Variants in ANK3 observed in about 807,000 individuals in gnomAD.
The protein encoded by ANK3 is ankyrin-3.
A neutral mutation model predicts 370.9 loss-of-function variants in ANK3; 57 were observed. The ratio of observed to expected loss-of-function variants is 0.15; its 90% CI spans 0.12 to 0.19. ANK3 has a LOEUF of 0.19. Ranked by LOEUF, ANK3 falls within the 10% of genes least tolerant of loss-of-function variation. The probability of loss-of-function intolerance (pLI) is 1.00; values close to 1 mark genes in which losing one functional copy is unlikely to be tolerated. For synonymous variants in ANK3, 1,929 were observed against 1,946.3 expected, an observed-to-expected ratio of 0.99 and a Z score of 0.23; for missense variants, 4,439 against 5,302.1, an observed-to-expected ratio of 0.84 and a Z score of 5.06.
chr10:60,287,447 G>T (rs898922853), intron 1 of ANK3, among the ~76,000 whole-genome samples: 1 of 152,104 alleles, frequency 6.6e-6, no homozygotes, highest in African/African-American at 2.4e-5. Flanking sequence ...TGGAAGCACT[G>T]AACAGTGTAT....
intron 1 of ANK3, among the ~76,000 whole-genome samples, chr10:60,352,918 G>T (rs1167436834): frequency 6.6e-6 from 1 of 151,986 alleles, no homozygotes; most frequent in Non-Finnish European, 1.5e-5. Flanking sequence ...GAAAAAAGAG[G>T]CAAAAAGGGA....
rs72824134 is a variant in ANK3 at position 60,359,277 on chromosome 10, C to T, written c.114+30148G>A. Among the ~76,000 whole-genome samples, 1,114 of 152,212 alleles carry T rather than the reference C, an allele frequency of 7.3e-3. 6 individuals are homozygous for T. The highest frequency in any genetic ancestry group is 0.02 in the Middle Eastern group (6 of 294). ...TAAGCACCTGCTGCCCTCACTCTCCCAATTTGATTGAGACCCTGTGATGTC... is the reference window on the plus strand; with the variant it reads ...TAAGCACCTGCTGCCCTCACTCTCCTAATTTGATTGAGACCCTGTGATGTC... On this transcript the variant is annotated intron_variant, in intron 1 of 43. Coordinates refer to ENST00000280772, the MANE Select transcript of ANK3 (RefSeq NM_020987.5).
At chr10:60,246,073 T>G (rs910628363) in intron 7 of ANK3, among the ~76,000 whole-genome samples, 1 of 151,834 alleles carries the variant, frequency 6.6e-6, no homozygotes, top group Admixed American at 6.6e-5. Context: ...CTAGCCAACA[T>G]GGAGAAACCC....
In ANK3 at chr10:60,345,168, T is replaced by C. The variant is rs145859014; in HGVS notation, c.114+44257A>G. ...CATTAAACTAGATTCATGGTGCTAT[T>C]TGTTTTATTACTGTAGAAACAAAAA... On this transcript the variant is annotated intron_variant, in intron 1 of 43. Transcript: ENST00000280772. Among the ~76,000 whole-genome samples the C allele has an allele frequency of 2.4e-3, 363 of 152,304 alleles. 2 individuals carry two copies. Among genetic ancestry groups the C allele is most frequent in the Middle Eastern group, 0.024 (7 of 294 alleles).
At chr10:60,729,194 C>G (rs903611116) in intron 1 of ANK3, among the ~76,000 whole-genome samples, 1 of 152,124 alleles carries the variant, frequency 6.6e-6, no homozygotes, top group African/African-American at 2.4e-5. Context: ...TAATGTGTAT[C>G]AAGCCCTATG....
chr10:60,615,316 A>C (rs2078253507), intron 1 of ANK3: 3 of 801,222 alleles, frequency 3.7e-6, no homozygotes, highest in Non-Finnish European at 5.6e-6. Flanking sequence ...TTATTAATTG[A>C]CTTATAAACA....
chr10:60,256,522 T>A (rs941360296), intron 7 of ANK3, among the ~76,000 whole-genome samples: 1 of 152,228 alleles, frequency 6.6e-6, no homozygotes, highest in African/African-American at 2.4e-5. Context: ...GAGGTATATG[T>A]GCAGGTTTGT....
intron 2 of ANK3, among the ~76,000 whole-genome samples, chr10:60,480,827 T>G (rs1009551402): frequency 6.6e-6 from 1 of 152,226 alleles, no homozygotes; most frequent in Non-Finnish European, 1.5e-5. Context: ...CTGATAGTAA[T>G]GCCCTTTTTA....
At chr10:60,195,679 C>A (rs2096575730) in intron 16 of ANK3, among the ~76,000 whole-genome samples, 1 of 152,112 alleles carries the variant, frequency 6.6e-6, no homozygotes, top group Non-Finnish European at 1.5e-5. Context: ...AAGTTGTCTA[C>A]TGATCAAAAA....
intron 1 of ANK3, among the ~76,000 whole-genome samples, chr10:60,681,733 C>A (rs534304349): frequency 6.6e-6 from 1 of 152,184 alleles, no homozygotes; most frequent in Non-Finnish European, 1.5e-5. Flanking sequence ...CAGTGCAGGG[C>A]AGACTGGCTC....
In ANK3 at chr10:60,261,922, A is replaced by G. The variant is rs771207084; in HGVS notation, c.735T>C (p.Tyr245=). 4.3e-6 allele frequency: 7 copies of G among 1,614,116 alleles called. 1 individual carries two copies. In the South Asian group the frequency reaches 7.7e-5, roughly 18 times the overall value. ...GFTPLHIAAH[Y]GNINVATLLL... ...GCAACGTGGCTACATTGATATTTCCATAGTGAGCAGCTATGTGGAGCGGAG... is the reference window on the plus strand; with the variant it reads ...GCAACGTGGCTACATTGATATTTCCGTAGTGAGCAGCTATGTGGAGCGGAG... Residue 245 remains tyrosine (Y), a synonymous_variant, in exon 7 of 44, where the codon TAT becomes TAC. Coordinates refer to ENST00000280772, the MANE Select transcript of ANK3 (RefSeq NM_020987.5).
intron 1 of ANK3, among the ~76,000 whole-genome samples, chr10:60,332,048 C>T (rs1050908764): frequency 6.6e-6 from 1 of 151,870 alleles, no homozygotes; most frequent in Non-Finnish European, 1.5e-5. Context: ...ATATGGCTAA[C>T]TCAATTTCTT....
At chr10:60,489,382 C>T (rs934801463) in intron 2 of ANK3, among the ~76,000 whole-genome samples, 4 of 152,104 alleles carry the variant, frequency 2.6e-5, no homozygotes, top group Non-Finnish European at 5.9e-5. Flanking sequence ...TTATGTATTA[C>T]ATTATATTTT....
intron 1 of ANK3, among the ~76,000 whole-genome samples, chr10:60,301,686 G>C (rs1181153177): frequency 6.6e-6 from 1 of 151,868 alleles, no homozygotes; most frequent in Non-Finnish European, 1.5e-5. Flanking sequence ...CAAAGTGCTG[G>C]GATTACAGGC....
At chr10:60,421,159 AG>A (rs1454381568) in intron 2 of ANK3, among the ~76,000 whole-genome samples, 1 of 152,074 alleles carries the variant, frequency 6.6e-6, no homozygotes, top group African/African-American at 2.4e-5. Flanking sequence ...GAGAGAGATA[AG>A]AGATTTCCGG....
intron 1 of ANK3, among the ~76,000 whole-genome samples, chr10:60,698,302 TG>T: frequency 6.6e-6 from 1 of 150,822 alleles, no homozygotes; most frequent in South Asian, 2.1e-4. Context: ...ACACTGTTGG[TG>T]GGACTGTAAA....
Position 60,200,166 on chromosome 10 carries a change from A to C in ANK3, c.1454T>G (p.Leu485Arg). ...RSGQAEVVRY[L>R]VQDGAQVEAK... ...TTCTACCTGAGCTCCGTCTTGTACC[A>C]GATACCGCACAACTTCAGCTTGGCC... Residue 485 changes from leucine to arginine, a missense_variant, in exon 13 of 44, where the codon CTG becomes CGG. Coordinates refer to ENST00000280772, the MANE Select transcript of ANK3 (RefSeq NM_020987.5). 1 of 1,614,152 alleles carries C rather than the reference A, an allele frequency of 6.2e-7. No individual in the cohort carries two copies. Among genetic ancestry groups the C allele is most frequent in the Non-Finnish European group, 8.5e-7 (1 of 1,180,008 alleles).
chr10:60,491,758 C>A (rs1169729617), intron 2 of ANK3, among the ~76,000 whole-genome samples: 1 of 152,094 alleles, frequency 6.6e-6, no homozygotes, highest in African/African-American at 2.4e-5. Flanking sequence ...GATCTAGGAG[C>A]CAGACTGCCT....
chr10:60,668,992 C>CAA lies in ANK3; in HGVS notation c.58-53770_58-53769dup, dbSNP rs113115246. On this transcript the variant is annotated intron_variant, in intron 1 of 43. Coordinates refer to the ANK3 transcript ENST00000373827. Reference sequence around the variant, plus strand: ...TGGGTGACAGAGTGAGACTTCATCTCAAAAAAAAAAAAATTATTCAAACAC... The same window carrying CAA: ...TGGGTGACAGAGTGAGACTTCATCTCAAAAAAAAAAAAAAATTATTCAAACAC... Among the ~76,000 whole-genome samples the CAA allele has an allele frequency of 5.9e-3, 845 of 142,308 alleles. 8 individuals are homozygous for CAA. The highest frequency in any genetic ancestry group is 0.02 in the African/African-American group (771 of 38,812). The allele number at this position is 142,308 out of a possible 152,430, so 93.4% of individuals were successfully genotyped here. A position where few individuals can be genotyped will look rare whatever the true frequency, so the allele number is the denominator to read the frequency against.
Sources: gnomAD v4.1 joint callset for allele counts (sites outside exome capture counted in the v4.1 genomes callset) on GRCh38, gnomAD v4.1.1 for gene constraint, MANE v1.5 for transcripts, NCBI Gene and HGNC (gene_info 2026-07-23, HGNC 2026-07-21) for gene names.